Variants in RNF121 observed in about 807,000 individuals in gnomAD.
RNF121 encodes ring finger protein 121.
A neutral mutation model predicts 46.5 loss-of-function variants in RNF121; 21 were observed. The ratio of observed to expected loss-of-function variants is 0.45; its 90% CI spans 0.32 to 0.65. RNF121 has a LOEUF of 0.65. RNF121 is among the 30% of genes least tolerant of loss of function. The pLI is 0.04. For synonymous variants in RNF121, 139 were observed against 144.7 expected (o/e 0.96, Z 0.28); for missense variants, 346 against 416.0 (o/e 0.83, Z 1.46).
intron 3 of RNF121, among the ~76,000 whole-genome samples, chr11:71,964,413 T>G (rs1369431461): frequency 1.5e-5 from 2 of 137,580 alleles, no homozygotes; most frequent in African/African-American, 2.8e-5. Context: ...TTAGGATTTT[T>G]TATATATAAG....
intron 3 of RNF121, among the ~76,000 whole-genome samples, chr11:71,974,094 A>G (rs1954478854): frequency 2.6e-5 from 4 of 151,944 alleles, no homozygotes; most frequent in Admixed American, 1.3e-4. Context: ...GGTGCCTGCC[A>G]TCGTGTCTGG....
intron 2 of RNF121, 21 bp downstream of exon 2, chr11:71,957,285 C>T: frequency 1.3e-6 from 2 of 1,547,296 alleles, no homozygotes; most frequent in South Asian, 2.2e-5. Context: ...TAGTTCGGGC[C>T]CTGCAGTCTA....
intron 1 of RNF121, chr11:71,939,605 T>C (rs1329900874): frequency 3.3e-5 from 5 of 152,404 alleles, no homozygotes; most frequent in Admixed American, 1.3e-4. Flanking sequence ...AATACTGTTA[T>C]CTTAATTTTC....
chr11:71,932,654 C>T (rs1953303112), intron 1 of RNF121, among the ~76,000 whole-genome samples: 1 of 152,156 alleles, frequency 6.6e-6, no homozygotes, highest in African/African-American at 2.4e-5. Flanking sequence ...TTGAGATAGG[C>T]CAAGAGTCTT....
chr11:71,984,745 A>ATTTTTTTTTTTTTTTTTTTTTTTTTTTT (rs56134788), intron 4 of RNF121, among the ~76,000 whole-genome samples: 1 of 94,866 alleles, frequency 1.1e-5, no homozygotes, highest in African/African-American at 4.4e-5. Context: ...CACCCGGCTA[A>ATTTTTTTTTTTTTTTTTTTTTTTTTTTT]TTTTTTTTTT....
Position 71,990,605 on chromosome 11 carries a change from C to T in RNF121, c.515C>T (p.Pro172Leu). The change falls in exon 6 of 9, where the codon CCA (proline) becomes CTA (leucine). Residue 172 changes from proline to leucine, a missense_variant. This residue lies in a region of RNF121 where 286 missense variants were observed against 383.8 expected (regional missense o/e 0.75). Transcript: ENST00000361756. ...TAATGCTTCCCTTGCAGGATCAAAC[C>T]AGAAGATGCCATGGACTTTGGCATC... ...FGLNLLFKIK[P>L]EDAMDFGISL... The T allele has an allele frequency of 6.2e-7, 1 of 1,613,972 alleles. No individual in the cohort carries two copies.
intron 3 of RNF121, among the ~76,000 whole-genome samples, chr11:71,976,354 T>C (rs987035004): frequency 2.2e-3 from 283 of 127,200 alleles, no homozygotes; most frequent in Non-Finnish European, 3.6e-3. Context: ...TCTTTTTTTT[T>C]TTTTTTTTTT....
chr11:71,987,747 A>G lies in RNF121; in HGVS notation c.506+636A>G, dbSNP rs1002679141. Among the ~76,000 whole-genome samples, 30 of 152,226 alleles carry G rather than the reference A, an allele frequency of 2.0e-4. 1 individual carries two copies. Among genetic ancestry groups the G allele is most frequent in the Admixed American group, 6.5e-5 (1 of 15,278 alleles). ...GACTCTTGGGCTAGACCGTCTACCT[A>G]CATGACCGTGGTTGGCTACAGCTAG... On this transcript the variant is annotated intron_variant, in intron 5 of 8. Coordinates refer to ENST00000361756, the MANE Select transcript of RNF121 (RefSeq NM_018320.5).
At chr11:71,962,980 TC>T (rs1954174529) in intron 3 of RNF121, among the ~76,000 whole-genome samples, 1 of 152,230 alleles carries the variant, frequency 6.6e-6, no homozygotes, top group Admixed American at 6.5e-5. Flanking sequence ...GGGCATCTTT[TC>T]CTGTGCTTAT....
chr11:71,957,917 G>A (rs1590787217), intron 2 of RNF121, among the ~76,000 whole-genome samples: 1 of 152,120 alleles, frequency 6.6e-6, no homozygotes, highest in Non-Finnish European at 1.5e-5. Flanking sequence ...GAATTTAATA[G>A]TGAGAAAAAA....
chr11:71,937,141 C>T (rs1427603291), intron 1 of RNF121, among the ~76,000 whole-genome samples: 3 of 152,156 alleles, frequency 2.0e-5, no homozygotes, highest in Non-Finnish European at 4.4e-5. Context: ...TTTCTGCTCC[C>T]GTAGCGCCCT....
chr11:71,953,143 C>G lies in RNF121; in HGVS notation c.64-4084C>G, dbSNP rs572907182. 3.8e-4 allele frequency among the ~76,000 whole-genome samples: 58 copies of G among 152,312 alleles called. 1 individual carries two copies. The South Asian group carries it at 0.012, about 31-fold the overall frequency. On this transcript the variant is annotated intron_variant, in intron 1 of 8. Transcript: ENST00000361756. ...CAAACTCCTGGGCTTAAGCAGTCCT[C>G]CTGCCTTAGCCTCCCAAGTAGCTGG...
intron 1 of RNF121, among the ~76,000 whole-genome samples, chr11:71,935,437 A>G (rs1041103972): frequency 1.8e-4 from 28 of 152,046 alleles, no homozygotes; most frequent in African/African-American, 5.8e-4. Context: ...CAATATGAGT[A>G]CTCTATACTG....
At chr11:71,984,842 C>T (rs888339417) in intron 4 of RNF121, among the ~76,000 whole-genome samples, 2 of 151,054 alleles carry the variant, frequency 1.3e-5, no homozygotes, top group Admixed American at 6.6e-5. Context: ...CCGCCTCGGG[C>T]TCCCAAAGTG....
chr11:71,954,970 C>T (rs1953958032), intron 1 of RNF121, among the ~76,000 whole-genome samples: 1 of 152,154 alleles, frequency 6.6e-6, no homozygotes, highest in South Asian at 2.1e-4. Context: ...AATATATGCT[C>T]AGCTCTGTGC....
At chr11:71,938,406 G>A (rs542829157) in intron 1 of RNF121, among the ~76,000 whole-genome samples, 3 of 128,472 alleles carry the variant, frequency 2.3e-5, no homozygotes, top group East Asian at 5.0e-4. Flanking sequence ...CATAACCTCC[G>A]CCTCCTGGGT....
chr11:71,950,919 T>G (rs2134165246), intron 1 of RNF121, among the ~76,000 whole-genome samples: 1 of 152,230 alleles, frequency 6.6e-6, no homozygotes, highest in East Asian at 1.9e-4. Context: ...ATTATAGCAT[T>G]TTAGCTGAAG....
At chr11:71,971,325 A>C (rs1432678514) in intron 3 of RNF121, among the ~76,000 whole-genome samples, 1 of 152,224 alleles carries the variant, frequency 6.6e-6, no homozygotes, top group African/African-American at 2.4e-5. Context: ...TTGAGGTTGC[A>C]GTGAGCTGAG....
At chr11:71,958,703 C>T (rs1010045710) in intron 2 of RNF121, among the ~76,000 whole-genome samples, 30 of 151,956 alleles carry the variant, frequency 2.0e-4, no homozygotes, top group African/African-American at 6.8e-4. Context: ...GAGACTCTCT[C>T]CAAAAAAATA....
Sources: gnomAD v4.1 joint callset for allele counts (sites outside exome capture counted in the v4.1 genomes callset) on GRCh38, gnomAD v4.1.1 for gene constraint, gnomAD v4.1.1 regional missense constraint, MANE v1.5 for transcripts, NCBI Gene and HGNC (gene_info 2026-07-23, HGNC 2026-07-21) for gene names.